Variants in ROBO2 observed in about 807,000 individuals in gnomAD.
The protein encoded by ROBO2 is roundabout homolog 2.
ROBO2 carries 53 observed loss-of-function variants against 160.8 expected under a neutral mutation model. The ratio of observed to expected loss-of-function variants is 0.33; its 90% CI spans 0.26 to 0.41. The LOEUF is 0.41. ROBO2 is among the 10% of genes least tolerant of loss of function. The pLI is 1.00. For synonymous variants in ROBO2, 664 were observed against 611.7 expected, an observed-to-expected ratio of 1.09 and a Z score of -1.26; for missense variants, 1,577 against 1,722.4, an observed-to-expected ratio of 0.92 and a Z score of 1.49.
intron 2 of ROBO2, among the ~76,000 whole-genome samples, chr3:76,175,301 C>G (rs752829896): frequency 7.9e-4 from 120 of 152,088 alleles, no homozygotes; most frequent in Middle Eastern, 6.8e-3. Context: ...ATCATGTCAT[C>G]TGCAAACAGA....
At chr3:76,892,052 A>C (rs2074388013) in intron 2 of ROBO2, among the ~76,000 whole-genome samples, 1 of 150,328 alleles carries the variant, frequency 6.7e-6, no homozygotes, top group Non-Finnish European at 1.5e-5. Flanking sequence ...GGTGACAGGA[A>C]TGTGGGACAT....
At chr3:77,404,233 A>G (rs751919159) in intron 2 of ROBO2, among the ~76,000 whole-genome samples, 1 of 152,166 alleles carries the variant, frequency 6.6e-6, no homozygotes, top group Non-Finnish European at 1.5e-5. Flanking sequence ...TTATGTACAC[A>G]GCCCCTCTAT....
At chr3:76,338,084 A>G (rs182798149) in intron 2 of ROBO2, among the ~76,000 whole-genome samples, 53 of 152,268 alleles carry the variant, frequency 3.5e-4, no homozygotes, top group African/African-American at 1.1e-3. Context: ...ATAGGGGGAA[A>G]AAGTGCCTAA....
In ROBO2 at chr3:77,021,150, A is replaced by C. The variant is rs1055262441; in HGVS notation, c.110-76864A>C. Among the ~76,000 whole-genome samples, 5 of 152,170 alleles carry C rather than the reference A, an allele frequency of 3.3e-5. No homozygotes were observed. In the East Asian group the frequency reaches 9.6e-4, roughly 29 times the overall value. ...TGGGAGGTCGAGGTTGCAGTGAGCTATAACTGCACCATTGCACTATAGCCT... is the reference window on the plus strand; with the variant it reads ...TGGGAGGTCGAGGTTGCAGTGAGCTCTAACTGCACCATTGCACTATAGCCT... On this transcript the variant is annotated intron_variant, in intron 2 of 26. Coordinates refer to the ROBO2 transcript ENST00000487694.
intron 2 of ROBO2, among the ~76,000 whole-genome samples, chr3:76,360,787 T>G (rs2075467378): frequency 6.6e-6 from 1 of 152,036 alleles, no homozygotes; most frequent in Non-Finnish European, 1.5e-5. Flanking sequence ...AATCTGCTTT[T>G]TGCTTTTTGC....
In ROBO2 at chr3:76,758,675, A is replaced by G. The variant is rs141456189; in HGVS notation, c.110-339339A>G. ...TCTCTGTTGGGAAAATGAAACTTCT[A>G]TGATCAAAGGTGATCTACAAACATA... On this transcript the variant is annotated intron_variant, in intron 2 of 26. Coordinates refer to the ROBO2 transcript ENST00000487694. Among the ~76,000 whole-genome samples the G allele has an allele frequency of 1.1e-4, 17 of 151,970 alleles. No homozygotes were observed. The Middle Eastern group carries it at 0.014, about 122-fold the overall frequency.
chr3:77,011,054 CTTCTTTCT>C (rs58801548), intron 2 of ROBO2, among the ~76,000 whole-genome samples: 21 of 106,744 alleles, frequency 2.0e-4, no homozygotes, highest in Admixed American at 4.4e-4. Context: ...TTCTTTCTTT[CTTCTTTCT>C]TTCTTTCTTT....
At chr3:76,564,082 T>C (rs1015720471) in intron 2 of ROBO2, among the ~76,000 whole-genome samples, 1 of 152,196 alleles carries the variant, frequency 6.6e-6, no homozygotes, top group African/African-American at 2.4e-5. Context: ...GGCAGGTGCC[T>C]GTAATCCCAG....
intron 2 of ROBO2, among the ~76,000 whole-genome samples, chr3:76,113,462 C>T (rs2070329024): frequency 6.6e-6 from 1 of 152,074 alleles, no homozygotes; most frequent in African/African-American, 2.4e-5. Context: ...TGCAGAGAGA[C>T]TTTTAGCAAC....
At chr3:76,478,680 G>GGT (rs1309579690) in intron 2 of ROBO2, among the ~76,000 whole-genome samples, 2 of 120,928 alleles carry the variant, frequency 1.7e-5, no homozygotes, top group African/African-American at 3.1e-5. Context: ...TTTTTTCTCT[G>GGT]TTTTTTTTTT....
At chr3:76,466,384 T>C (rs1228350066) in intron 2 of ROBO2, among the ~76,000 whole-genome samples, 3 of 152,070 alleles carry the variant, frequency 2.0e-5, no homozygotes, top group Admixed American at 2.0e-4. Context: ...TTCATGCCAC[T>C]TTCAAAATAA....
chr3:76,095,909 A>T (rs1396870108), intron 2 of ROBO2, among the ~76,000 whole-genome samples: 4 of 152,306 alleles, frequency 2.6e-5, no homozygotes, highest in Non-Finnish European at 1.5e-5. Context: ...ACATTTGAAG[A>T]TATTGATGAC....
At chr3:77,215,214 C>T (rs904447005) in intron 2 of ROBO2, among the ~76,000 whole-genome samples, 3 of 152,200 alleles carry the variant, frequency 2.0e-5, no homozygotes, top group Admixed American at 1.3e-4. Flanking sequence ...CTTTCAGGTA[C>T]ACCAATTAAA....
intron 2 of ROBO2, among the ~76,000 whole-genome samples, chr3:77,023,231 G>A (rs545290693): frequency 5.9e-5 from 9 of 152,050 alleles, no homozygotes; most frequent in East Asian, 5.8e-4. Context: ...TGTCTTCTTC[G>A]TTTTTCTCTT....
chr3:76,412,801 G>A (rs1363002584), intron 2 of ROBO2, among the ~76,000 whole-genome samples: 1 of 152,202 alleles, frequency 6.6e-6, no homozygotes, highest in Non-Finnish European at 1.5e-5. Flanking sequence ...CAGGCTCAGA[G>A]TGCAAGCTGT....
intron 2 of ROBO2, among the ~76,000 whole-genome samples, chr3:76,444,983 T>A (rs1476343434): frequency 6.6e-6 from 1 of 152,054 alleles, no homozygotes; most frequent in Non-Finnish European, 1.5e-5. Context: ...TTCCCTGAGG[T>A]TTTTTGGAAA....
intron 2 of ROBO2, among the ~76,000 whole-genome samples, chr3:76,549,036 C>A (rs578063101): frequency 7.2e-5 from 11 of 152,008 alleles, no homozygotes; most frequent in Non-Finnish European, 1.2e-4. Context: ...AATAAATTTT[C>A]AGAATTCCCT....
At chr3:75,930,021 T>A (rs1338379026) in intron 1 of ROBO2, among the ~76,000 whole-genome samples, 1 of 152,194 alleles carries the variant, frequency 6.6e-6, no homozygotes, top group Non-Finnish European at 1.5e-5. Context: ...AGGCTTTAGA[T>A]CTTTTGCTCA....
chr3:76,747,051 A>G (rs1427479032), intron 2 of ROBO2, among the ~76,000 whole-genome samples: 2 of 152,060 alleles, frequency 1.3e-5, no homozygotes, highest in Non-Finnish European at 2.9e-5. Context: ...CCAGTCTATC[A>G]TTGATGGGCA....
Sources: gnomAD v4.1 joint callset for allele counts (sites outside exome capture counted in the v4.1 genomes callset) on GRCh38, gnomAD v4.1.1 for gene constraint, MANE v1.5 for transcripts, NCBI Gene and HGNC (gene_info 2026-07-23, HGNC 2026-07-21) for gene names.